Variants in WHAMM observed in about 807,000 individuals in gnomAD.
The protein encoded by WHAMM is WASP homolog-associated protein with actin, membranes and microtubules.
Under a neutral mutation model 76.5 loss-of-function variants are expected in WHAMM, and 67 were observed. That is an observed-to-expected ratio of 0.88 (90% CI 0.72 to 1.07). The LOEUF is 1.07. WHAMM is among the 50% of genes least tolerant of loss of function. The probability of loss-of-function intolerance (pLI) is 0.00; values close to 1 mark genes in which losing one functional copy is unlikely to be tolerated. For missense variants in WHAMM, 1,021 were observed against 1,051.1 expected (o/e 0.97, Z 0.40); for synonymous variants, 419 against 422.1 (o/e 0.99, Z 0.09).
intron 5 of WHAMM, among the ~76,000 whole-genome samples, chr15:82,820,817 C>A (rs1041582564): frequency 6.6e-6 from 1 of 151,272 alleles, no homozygotes; most frequent in African/African-American, 2.4e-5. Flanking sequence ...ATCGCTTGAA[C>A]CTGGGAGGTG....
intron 4 of WHAMM, among the ~76,000 whole-genome samples, chr15:82,818,824 T>C (rs1161153766): frequency 6.6e-6 from 1 of 152,236 alleles, no homozygotes; most frequent in African/African-American, 2.4e-5. Context: ...GCAGATTCAC[T>C]GTCCGGTGAG....
chr15:82,825,177 G>T (rs189384297), intron 6 of WHAMM, among the ~76,000 whole-genome samples: 1 of 152,288 alleles, frequency 6.6e-6, no homozygotes, highest in Non-Finnish European at 1.5e-5. Context: ...TTCTTTGCAT[G>T]TTTGTGTTTA....
At position 82,816,862 on chromosome 15, in the gene WHAMM, T is replaced by A. The variant is rs1480410355; in HGVS notation, c.934+20T>A. 6.5e-7 allele frequency: 1 copy of A among 1,545,936 alleles called. No individual in the cohort carries two copies. The highest frequency in any genetic ancestry group is 1.2e-5 in the South Asian group (1 of 83,038). On this transcript the variant is annotated intron_variant, in intron 3 of 9. Coordinates refer to ENST00000286760, the MANE Select transcript of WHAMM (RefSeq NM_001080435.3). Reference sequence around the variant, plus strand: ...TAGCAGGTGATAATTTAAAAAATGCTATATGAAGATACATGTAATTGATTA... The same window carrying A: ...TAGCAGGTGATAATTTAAAAAATGCAATATGAAGATACATGTAATTGATTA...
chr15:82,824,162 C>CTTTTTTTT (rs71156055), intron 6 of WHAMM, among the ~76,000 whole-genome samples: 1,203 of 117,970 alleles, frequency 0.01, 68 homozygotes, highest in East Asian at 0.045. Context: ...TACTTTTCTC[C>CTTTTTTTT]TTTTTTTTTT....
Position 82,819,473 on chromosome 15 carries a change from A to G in WHAMM, c.1255A>G (p.Lys419Glu), listed in dbSNP as rs1431389886. The G allele has an allele frequency of 1.6e-6, 2 of 1,256,328 alleles. No individual in the cohort carries two copies. Among genetic ancestry groups the G allele is most frequent in the Non-Finnish European group, 2.1e-6 (2 of 943,284 alleles). The allele number at this position is 1,256,328 out of a possible 1,614,324, so 77.8% of individuals were successfully genotyped here. The change falls in exon 5 of 10, where the codon AAA becomes GAA. Residue 419 changes from lysine (K) to glutamate (E), a missense_variant. This residue lies in a region of WHAMM where 509 missense variants were observed against 492.3 expected (regional missense o/e 1.03). Coordinates refer to ENST00000286760, the MANE Select transcript of WHAMM (RefSeq NM_001080435.3). ...ILLTTQLDSLKRLIKEKQDEV... is the reference protein window; with the variant it reads ...ILLTTQLDSLERLIKEKQDEV... The stretch of plus-strand genomic sequence containing the variant: ...GCTTACTACACAGTTGGACTCTCTT[A>G]AAAGACTTATAAAAGGTAAAATTTA...
rs560089221 is a variant in WHAMM, at chr15:82,831,423, C to T, written c.2122+344C>T. ...TGATTTCTGCCGTTGGAATACTTTTCAATACTGTTTTAAATTATGCTTACT... is the reference window on the plus strand; with the variant it reads ...TGATTTCTGCCGTTGGAATACTTTTTAATACTGTTTTAAATTATGCTTACT... On this transcript the variant is annotated intron_variant, in intron 9 of 9. Coordinates refer to ENST00000286760, the MANE Select transcript of WHAMM (RefSeq NM_001080435.3). Among the ~76,000 whole-genome samples, 35 of 152,292 alleles carry T rather than the reference C, an allele frequency of 2.3e-4. No individual in the cohort carries two copies. The South Asian group carries it at 7.1e-3, about 31-fold the overall frequency.
chr15:82,809,915 C>G lies in WHAMM; in HGVS notation c.189C>G (p.Pro63=). Reference sequence around the variant, plus strand: ...TGCGCGAGGGGGCCCGGTTGGGGCCCGAGCCCGAGCCCAAGCCTGAGGCCG... The same window carrying G: ...TGCGCGAGGGGGCCCGGTTGGGGCCGGAGCCCGAGCCCAAGCCTGAGGCCG... ...RRLREGARLG[P]EPEPKPEAAV... The change falls in exon 1 of 10, where the codon CCC becomes CCG. Residue 63 remains proline (P), a synonymous_variant. Coordinates refer to ENST00000286760, the MANE Select transcript of WHAMM (RefSeq NM_001080435.3). 6.6e-7 allele frequency: 1 copy of G among 1,514,212 alleles called. No homozygotes were observed. Among genetic ancestry groups the G allele is most frequent in the Non-Finnish European group, 8.9e-7 (1 of 1,127,344 alleles). 93.8% of individuals were successfully genotyped at this position (1,514,212 alleles called of 1,614,324 possible). A position where few individuals can be genotyped will look rare whatever the true frequency, so the allele number is the denominator to read the frequency against.
At chr15:82,816,570 A>T in intron 2 of WHAMM, 122 bp from the exon 3 acceptor site, 1 of 945,488 alleles carries the variant, frequency 1.1e-6, no homozygotes, top group Non-Finnish European at 1.5e-6. Context: ...AATGAATGAA[A>T]ATTTAATTGA....
rs1182808068 is a variant in WHAMM at position 82,834,683 on chromosome 15, ATTTAT to A, written c.*1152_*1156del. 6.6e-6 allele frequency: 1 copy of A among 152,646 alleles called. No individual in the cohort carries two copies. The highest frequency in any genetic ancestry group is 1.5e-5 in the Non-Finnish European group (1 of 68,044). 9.5% of individuals were successfully genotyped at this position (152,646 alleles called of 1,614,324 possible). A position where few individuals can be genotyped will look rare whatever the true frequency, so the allele number is the denominator to read the frequency against. ...GAGTTATTTTAAATATTTAAATGAA[ATTTAT>A]TTTAGGCACCAAGCACTACATAAAC... On this transcript the variant is annotated 3_prime_UTR_variant, in exon 10 of 10. Coordinates refer to ENST00000286760, the MANE Select transcript of WHAMM (RefSeq NM_001080435.3).
intron 8 of WHAMM, among the ~76,000 whole-genome samples, chr15:82,829,358 A>G (rs1292673872): frequency 1.3e-5 from 2 of 152,260 alleles, no homozygotes; most frequent in Non-Finnish European, 1.5e-5. Flanking sequence ...GACATGCTGC[A>G]GCCGGGATGC....
chr15:82,828,576 C>T (rs1037334435), intron 8 of WHAMM, among the ~76,000 whole-genome samples: 1 of 152,184 alleles, frequency 6.6e-6, no homozygotes, highest in Non-Finnish European at 1.5e-5. Context: ...CAAGGGCAAC[C>T]AGCCCATCTC....
intron 3 of WHAMM, 69 bp downstream of exon 3, chr15:82,816,911 A>T: frequency 2.1e-6 from 3 of 1,463,170 alleles, no homozygotes; most frequent in Non-Finnish European, 1.8e-6. Context: ...ATACCATTTG[A>T]GTCCCTCTTA....
chr15:82,833,315 G>A lies in WHAMM; in HGVS notation c.2209G>A (p.Ala737Thr), dbSNP rs367857647. Residue 737 changes from alanine (A) to threonine (T), a missense_variant, in exon 10 of 10, where the codon GCC becomes ACC. Physicochemically the swap from Ala to Thr is moderately conservative, Grantham distance 58 (BLOSUM62 0). Transcript: ENST00000286760. ...VEVPAVRPPH[A>T]SINEHILAAI... ...AGTGCCGGCGGTGCGCCCTCCCCAC[G>A]CCTCAATCAATGAGCACATTCTGGC... 16 of 1,613,842 alleles carry A rather than the reference G, an allele frequency of 9.9e-6. No homozygotes were observed. In the African/African-American group the frequency reaches 1.2e-4, roughly 12 times the overall value.
chr15:82,822,439 A>G (rs959717442), intron 5 of WHAMM, among the ~76,000 whole-genome samples: 7 of 151,864 alleles, frequency 4.6e-5, no homozygotes, highest in Admixed American at 4.6e-4. Context: ...ATCTTTTTAA[A>G]TTTTTTTTTA....
chr15:82,817,330 A>C (rs11857233), intron 3 of WHAMM, among the ~76,000 whole-genome samples: 23,161 of 152,196 alleles, frequency 0.15, 1,940 homozygotes, highest in South Asian at 0.34. Flanking sequence ...GTGTGGTATG[A>C]GGGAAAATGC....
chr15:82,823,783 C>G (rs1299714808), intron 6 of WHAMM, among the ~76,000 whole-genome samples: 3 of 152,188 alleles, frequency 2.0e-5, no homozygotes, highest in Non-Finnish European at 4.4e-5. Context: ...CTAGGCTGGT[C>G]TTGAACTCCT....
chr15:82,811,622 G>A (rs1289299351), intron 1 of WHAMM, among the ~76,000 whole-genome samples: 1 of 152,150 alleles, frequency 6.6e-6, no homozygotes, highest in Non-Finnish European at 1.5e-5. Context: ...GGGAGAGGAA[G>A]CTTAAATTCA....
At chr15:82,825,361 T>C (rs1207538998) in intron 6 of WHAMM, among the ~76,000 whole-genome samples, 1 of 151,856 alleles carries the variant, frequency 6.6e-6, no homozygotes, top group Non-Finnish European at 1.5e-5. Context: ...GTGTTTTTTA[T>C]ATATATATAT....
Position 82,817,997 on chromosome 15 carries a change from A to G in WHAMM, c.1012A>G (p.Lys338Glu). 3.9e-6 allele frequency: 6 copies of G among 1,549,016 alleles called. No homozygotes were observed. The highest frequency in any genetic ancestry group is 5.2e-6 in the Non-Finnish European group (6 of 1,146,364). ...GGCCACAGCAATTCCCAGGTTGGAA[A>G]AACTTCAGCTAATGCTAGCTCGAGA... ...AWATAIPRLE[K>E]LQLMLARETL... Residue 338 changes from lysine (K) to glutamate (E), a missense_variant, in exon 4 of 10, where the codon AAA becomes GAA. Physicochemically the swap from Lys to Glu is moderately conservative, Grantham distance 56. Transcript: ENST00000286760.
Sources: allele counts gnomAD v4.1 joint callset (sites outside exome capture counted in the v4.1 genomes callset), GRCh38; gene constraint gnomAD v4.1.1; regional missense constraint gnomAD v4.1.1; transcripts MANE v1.5; gene names NCBI Gene and HGNC (gene_info 2026-07-23, HGNC 2026-07-21).